The following TBCK variants were observed in gnomAD, a reference collection of about 807,000 sequenced individuals.
TBCK encodes the protein TBC domain-containing protein kinase-like protein.
A neutral mutation model predicts 113.4 loss-of-function variants in TBCK; 99 were observed. The ratio of observed to expected loss-of-function variants is 0.87; its 90% CI spans 0.74 to 1.03. TBCK has a LOEUF of 1.03. TBCK is among the 50% of genes least tolerant of loss of function. TBCK has a pLI of 0.00. For missense variants in TBCK, 1,045 were observed against 1,061.3 expected, an observed-to-expected ratio of 0.98 and a Z score of 0.21; for synonymous variants, 369 against 370.8, an observed-to-expected ratio of 1.00 and a Z score of 0.05.
intron 23 of TBCK, among the ~76,000 whole-genome samples, chr4:106,130,281 A>G (rs1391937910): frequency 2.0e-5 from 3 of 152,184 alleles, no homozygotes; most frequent in Non-Finnish European, 2.9e-5. Context: ...AATTTCTTAG[A>G]AATTTGTTCT....
chr4:106,281,209 G>T (rs979590252), intron 3 of TBCK, among the ~76,000 whole-genome samples: 4 of 151,334 alleles, frequency 2.6e-5, no homozygotes, highest in African/African-American at 9.7e-5. Context: ...TTCTTTTTCA[G>T]CTTGTTTGCT....
chr4:106,182,863 C>T (rs1000667663), intron 22 of TBCK, among the ~76,000 whole-genome samples: 2 of 152,056 alleles, frequency 1.3e-5, no homozygotes, highest in East Asian at 3.9e-4. Context: ...TCTATCACTA[C>T]TTAATGTACT....
intron 1 of TBCK, among the ~76,000 whole-genome samples, chr4:106,312,104 A>T (rs1356561569): frequency 6.6e-6 from 1 of 152,148 alleles, no homozygotes; most frequent in African/African-American, 2.4e-5. Context: ...ACATCTGCAT[A>T]TCCAAAGGCA....
intron 5 of TBCK, among the ~76,000 whole-genome samples, chr4:106,255,675 C>T (rs1560918706): frequency 6.6e-6 from 1 of 152,052 alleles, no homozygotes; most frequent in African/African-American, 2.4e-5. Context: ...GCTCCTCTCT[C>T]CTTCTGTCTT....
intron 3 of TBCK, among the ~76,000 whole-genome samples, chr4:106,291,950 T>A (rs1765757262): frequency 6.6e-6 from 1 of 152,252 alleles, no homozygotes; most frequent in African/African-American, 2.4e-5. Context: ...TGCTTGCTTT[T>A]GTGCAATATA....
chr4:106,053,389 G>A (rs1735030485), intron 25 of TBCK, among the ~76,000 whole-genome samples: 1 of 151,546 alleles, frequency 6.6e-6, no homozygotes, highest in African/African-American at 2.4e-5. Context: ...TGGCCTATCA[G>A]CATCATATGA....
chr4:106,293,171 A>C (rs1367577412), intron 3 of TBCK, among the ~76,000 whole-genome samples: 1 of 152,182 alleles, frequency 6.6e-6, no homozygotes, highest in South Asian at 2.1e-4. Context: ...GACAATATCA[A>C]ATCTCCATAC....
At chr4:106,173,693 G>A (rs1183328764) in intron 22 of TBCK, among the ~76,000 whole-genome samples, 2 of 152,066 alleles carry the variant, frequency 1.3e-5, no homozygotes, top group Non-Finnish European at 2.9e-5. Flanking sequence ...AGTTCTAACA[G>A]ATATCTCATT....
chr4:106,065,498 C>T (rs1736535399), intron 25 of TBCK, among the ~76,000 whole-genome samples: 1 of 151,988 alleles, frequency 6.6e-6, no homozygotes, highest in Non-Finnish European at 1.5e-5. Context: ...TGACTTCATG[C>T]TTGTTTTGAT....
At position 106,141,411 on chromosome 4, in the gene TBCK, C is replaced by T. The variant is rs538202843; in HGVS notation, c.2236-25033G>A. On this transcript the variant is annotated intron_variant, in intron 23 of 25. Transcript: ENST00000394708. ...TCTCCATATATTAACTCAATCCTCC[C>T]AATAATCCTCTGAAGTATATAATAT... Among the ~76,000 whole-genome samples, 3 of 139,690 alleles carry T rather than the reference C, an allele frequency of 2.1e-5. 1 individual carries two copies. Among genetic ancestry groups the T allele is most frequent in the South Asian group, 4.9e-4 (2 of 4,090 alleles). The allele number at this position is 139,690 out of a possible 152,430, so 91.6% of individuals were successfully genotyped here.
intron 23 of TBCK, among the ~76,000 whole-genome samples, chr4:106,129,110 T>C: frequency 6.6e-6 from 1 of 152,218 alleles, no homozygotes; most frequent in Admixed American, 6.5e-5. Context: ...CTATCTTACA[T>C]AATACAGAAA....
At chr4:106,263,545 T>C (rs1349569125) in intron 3 of TBCK, among the ~76,000 whole-genome samples, 1 of 151,898 alleles carries the variant, frequency 6.6e-6, no homozygotes, top group Non-Finnish European at 1.5e-5. Flanking sequence ...GAAAGTTTTG[T>C]GGCATGAGGG....
intron 19 of TBCK, among the ~76,000 whole-genome samples, chr4:106,216,880 A>G (rs1430859880): frequency 6.6e-6 from 1 of 151,842 alleles, no homozygotes; most frequent in Non-Finnish European, 1.5e-5. Flanking sequence ...GGCCAGCATC[A>G]TTCTGATACC....
chr4:106,057,791 C>T (rs947212746), intron 25 of TBCK, among the ~76,000 whole-genome samples: 1 of 151,778 alleles, frequency 6.6e-6, no homozygotes, highest in Non-Finnish European at 1.5e-5. Flanking sequence ...TCTCATATAG[C>T]ACATGTCACA....
chr4:106,064,381 A>G (rs1212195317), intron 25 of TBCK, among the ~76,000 whole-genome samples: 1 of 151,862 alleles, frequency 6.6e-6, no homozygotes, highest in Non-Finnish European at 1.5e-5. Context: ...TATTATTCAG[A>G]TATACATTAC....
At chr4:106,182,018 T>C (rs1026541930) in intron 22 of TBCK, among the ~76,000 whole-genome samples, 5 of 152,192 alleles carry the variant, frequency 3.3e-5, no homozygotes, top group African/African-American at 1.2e-4. Flanking sequence ...TGTTTTTCCA[T>C]TGGTTTGTGT....
rs375345121 is a variant in TBCK at position 106,250,408 on chromosome 4, C to T, written c.658+10G>A. 92 of 1,530,144 alleles carry T rather than the reference C, an allele frequency of 6.0e-5. 1 individual carries two copies. The highest frequency in any genetic ancestry group is 1.7e-4 in the Middle Eastern group (1 of 5,888). 94.8% of individuals were successfully genotyped at this position (1,530,144 alleles called of 1,614,324 possible). A position where few individuals can be genotyped will look rare whatever the true frequency, so the allele number is the denominator to read the frequency against. Reference sequence around the variant, plus strand: ...TATATTTGAAAGATAAGCAATTGTACGACACTTACCCAAAGTAAGCAAAAA... The same window carrying T: ...TATATTTGAAAGATAAGCAATTGTATGACACTTACCCAAAGTAAGCAAAAA... On this transcript the variant is annotated intron_variant, in intron 7 of 25. Coordinates refer to ENST00000394708, the MANE Select transcript of TBCK (RefSeq NM_001163435.3).
At chr4:106,046,751 G>C in intron 25 of TBCK, 71 bp from the exon 26 acceptor site, 1 of 694,162 alleles carries the variant, frequency 1.4e-6, no homozygotes, top group Non-Finnish European at 2.4e-6. Flanking sequence ...TTTTTTCTCA[G>C]AATTTGAAAG....
chr4:106,174,689 A>C (rs764992322), intron 22 of TBCK, among the ~76,000 whole-genome samples: 1 of 152,068 alleles, frequency 6.6e-6, no homozygotes, highest in Non-Finnish European at 1.5e-5. Context: ...AAGAATCTTG[A>C]ACTTCCTGAA....
Sources: gnomAD v4.1 joint callset for allele counts (sites outside exome capture counted in the v4.1 genomes callset) on GRCh38, gnomAD v4.1.1 for gene constraint, MANE v1.5 for transcripts, NCBI Gene and HGNC (gene_info 2026-07-23, HGNC 2026-07-21) for gene names.